COMMD10: variants seen among roughly 807,000 people sequenced by gnomAD.
COMMD10 encodes COMM domain-containing protein 10.
A neutral mutation model predicts 28.9 loss-of-function variants in COMMD10; 33 were observed. The observed-to-expected ratio is 1.14, with a 90% CI of 0.87 to 1.53. COMMD10 has a LOEUF of 1.53. Among genes scored for constraint, COMMD10 ranks in the 40% most tolerant of loss-of-function variants. The probability of loss-of-function intolerance (pLI) is 0.00; values close to 1 mark genes in which losing one functional copy is unlikely to be tolerated. For synonymous variants in COMMD10, 110 were observed against 81.7 expected (o/e 1.35, Z -1.87); for missense variants, 310 against 233.4 (o/e 1.33, Z -2.14).
At chr5:116,109,159 T>A (rs188854556) in intron 4 of COMMD10, among the ~76,000 whole-genome samples, 69 of 152,302 alleles carry the variant, frequency 4.5e-4, no homozygotes, top group Admixed American at 1.7e-3. Context: ...TGCCAGCATA[T>A]CATCATAATA....
intron 5 of COMMD10, among the ~76,000 whole-genome samples, chr5:116,218,654 T>C (rs1215824253): frequency 1.3e-5 from 2 of 152,106 alleles, no homozygotes; most frequent in Non-Finnish European, 2.9e-5. Context: ...CAAATTTTCT[T>C]GGAAGCAAGG....
At chr5:116,209,525 C>T (rs1354291846) in intron 5 of COMMD10, among the ~76,000 whole-genome samples, 1 of 152,000 alleles carries the variant, frequency 6.6e-6, no homozygotes, top group Non-Finnish European at 1.5e-5. Flanking sequence ...AATAATAGAC[C>T]AGGAGCATTA....
chr5:116,188,643 T>TTTTTG (rs1748232688), intron 5 of COMMD10: 1 of 149,948 alleles, frequency 6.7e-6, no homozygotes, highest in African/African-American at 2.5e-5. Flanking sequence ...CTCTCTCTTT[T>TTTTTG]TTTTTTTTGA....
chr5:116,188,617 CCTT>C, intron 5 of COMMD10: 1 of 141,554 alleles, frequency 7.1e-6, no homozygotes, highest in African/African-American at 2.9e-5. Context: ...TTCCTTCCTT[CCTT>C]CTTTCTTTCT....
intron 1 of COMMD10, chr5:116,085,391 G>T (rs1318580830): frequency 4.8e-6 from 2 of 419,654 alleles, no homozygotes; most frequent in Non-Finnish European, 8.5e-6. Context: ...GCGGAGTTTG[G>T]TATCAGAAGT....
intron 5 of COMMD10, among the ~76,000 whole-genome samples, chr5:116,151,677 T>C (rs1752533998): frequency 6.6e-6 from 1 of 152,214 alleles, no homozygotes; most frequent in Non-Finnish European, 1.5e-5. Context: ...GATGGTACTT[T>C]GTATTTCTGT....
chr5:116,211,982 A>C (rs1194335776), intron 5 of COMMD10, among the ~76,000 whole-genome samples: 2 of 152,130 alleles, frequency 1.3e-5, no homozygotes, highest in East Asian at 3.8e-4. Context: ...TCAAGTAATG[A>C]TAATACCTGC....
intron 5 of COMMD10, among the ~76,000 whole-genome samples, chr5:116,276,365 G>T (rs1315398276): frequency 1.3e-5 from 2 of 151,414 alleles, no homozygotes; most frequent in African/African-American, 2.4e-5. Context: ...CAATTCTCCT[G>T]CCCCAGCCTC....
intron 5 of COMMD10, among the ~76,000 whole-genome samples, chr5:116,279,556 C>T (rs534659381): frequency 6.6e-6 from 1 of 151,926 alleles, no homozygotes; most frequent in South Asian, 2.1e-4. Context: ...TCTTTGGAAT[C>T]ACAGGGCTTG....
At chr5:116,143,850 A>T (rs949575031) in intron 5 of COMMD10, among the ~76,000 whole-genome samples, 1 of 151,832 alleles carries the variant, frequency 6.6e-6, no homozygotes, top group African/African-American at 2.4e-5. Flanking sequence ...TGATATAGGC[A>T]GGTTTTATTT....
intron 5 of COMMD10, among the ~76,000 whole-genome samples, chr5:116,181,552 A>T (rs913993287): frequency 4.0e-5 from 6 of 151,602 alleles, no homozygotes; most frequent in African/African-American, 4.9e-5. Context: ...TTAATCATAA[A>T]AATCCACATA....
chr5:116,200,027 T>C (rs1310073738), intron 5 of COMMD10, among the ~76,000 whole-genome samples: 1 of 152,182 alleles, frequency 6.6e-6, no homozygotes, highest in Admixed American at 6.5e-5. Context: ...ATGGGGTACT[T>C]GTGATGTTTT....
intron 4 of COMMD10, among the ~76,000 whole-genome samples, chr5:116,096,645 A>C (rs898048377): frequency 4.6e-5 from 7 of 152,132 alleles, no homozygotes; most frequent in Non-Finnish European, 7.4e-5. Flanking sequence ...GTAAGTCTGA[A>C]TATCCTTGCC....
chr5:116,129,784 ATATATAC>A (rs986384436), intron 4 of COMMD10, among the ~76,000 whole-genome samples: 1 of 39,832 alleles, frequency 2.5e-5, no homozygotes, highest in Non-Finnish European at 1.2e-4. Context: ...ACATTAGTAT[ATATATAC>A]TATATACTAT....
intron 5 of COMMD10, among the ~76,000 whole-genome samples, chr5:116,201,903 A>G (rs949186524): frequency 3.3e-5 from 5 of 152,024 alleles, no homozygotes; most frequent in African/African-American, 4.8e-5. Context: ...TATTATTATT[A>G]TACTTTAAGT....
At chr5:116,127,197 A>G (rs1232869915) in intron 4 of COMMD10, among the ~76,000 whole-genome samples, 1 of 152,258 alleles carries the variant, frequency 6.6e-6, no homozygotes, top group Non-Finnish European at 1.5e-5. Context: ...ACTGGCCATC[A>G]GAGAAATGCA....
chr5:116,101,173 ATTG>A (rs1255448281), intron 4 of COMMD10, among the ~76,000 whole-genome samples: 1 of 152,096 alleles, frequency 6.6e-6, no homozygotes, highest in African/African-American at 2.4e-5. Context: ...TTGATCCCAT[ATTG>A]TTGTTATTAT....
At chr5:116,250,723 C>G (rs1750089400) in intron 5 of COMMD10, among the ~76,000 whole-genome samples, 1 of 151,864 alleles carries the variant, frequency 6.6e-6, no homozygotes, top group Admixed American at 6.6e-5. Flanking sequence ...AACTGATCAG[C>G]CTGCCTGAAC....
chr5:116,175,838 G>T (rs146839356), intron 5 of COMMD10, among the ~76,000 whole-genome samples: 2 of 152,102 alleles, frequency 1.3e-5, no homozygotes, highest in Admixed American at 6.6e-5. Flanking sequence ...CATAGAGACA[G>T]AAAGTAGAAT....
Sources: allele counts gnomAD v4.1 joint callset (sites outside exome capture counted in the v4.1 genomes callset), GRCh38; gene constraint gnomAD v4.1.1; transcripts MANE v1.5; gene names NCBI Gene and HGNC (gene_info 2026-07-23, HGNC 2026-07-21).